USH2A: variants seen among roughly 807,000 people sequenced by gnomAD.
The protein encoded by USH2A is usherin.
In USH2A, 443 loss-of-function variants were observed where a neutral mutation model predicts 538.9. The ratio of observed to expected loss-of-function variants is 0.82; its 90% CI spans 0.76 to 0.89. The LOEUF is 0.89. Ranked by LOEUF, USH2A falls within the 40% of genes least tolerant of loss-of-function variation. The pLI is 0.00. For missense variants in USH2A, 6,633 were observed against 6,324.8 expected (o/e 1.05, Z -1.65); for synonymous variants, 2,413 against 2,273.5 (o/e 1.06, Z -1.75).
chr1:216,176,092 G>A (rs536755140), intron 20 of USH2A, among the ~76,000 whole-genome samples: 7 of 152,304 alleles, frequency 4.6e-5, no homozygotes, highest in Admixed American at 3.9e-4. Flanking sequence ...ATATTAACAC[G>A]AGTTTGCCAA....
Position 216,199,746 on chromosome 1 carries a change from C to T in USH2A, c.3692G>A (p.Ser1231Asn), listed in dbSNP as rs747578300. Reference protein sequence around the residue: ...QACTSGGCLHSLPITVTTAQA... With the variant: ...QACTSGGCLHNLPITVTTAQA... ...GGCTGTGGTCACTGTAATGGGCAAG[C>T]TGTGTAAACAGCCCCCGCTAGTACA... The change falls in exon 17 of 72, where the codon AGC (serine) becomes AAC (asparagine). Residue 1231 changes from serine (S) to asparagine (N), a missense_variant. By Grantham distance (46) the Ser-to-Asn change is conservative. Coordinates refer to ENST00000307340, the MANE Select transcript of USH2A (RefSeq NM_206933.4). 6.8e-6 allele frequency: 11 copies of T among 1,614,078 alleles called. No homozygotes were observed. The highest frequency in any genetic ancestry group is 1.7e-4 in the Middle Eastern group (1 of 6,056).
intron 40 of USH2A, among the ~76,000 whole-genome samples, chr1:215,892,514 T>C (rs1665234999): frequency 6.6e-6 from 1 of 152,194 alleles, no homozygotes; most frequent in Non-Finnish European, 1.5e-5. Flanking sequence ...TCACTACTGA[T>C]ATGTTAACAG....
At chr1:215,795,444 A>G (rs986818656) in intron 50 of USH2A, among the ~76,000 whole-genome samples, 1 of 152,174 alleles carries the variant, frequency 6.6e-6, no homozygotes, top group Non-Finnish European at 1.5e-5. Context: ...TGAGGATAAA[A>G]ACGGAATCTT....
At chr1:215,818,863 A>G (rs935077297) in intron 47 of USH2A, among the ~76,000 whole-genome samples, 1 of 151,802 alleles carries the variant, frequency 6.6e-6, no homozygotes, top group African/African-American at 2.4e-5. Flanking sequence ...CAGTAGTTAA[A>G]GTTTTTAATA....
intron 2 of USH2A, among the ~76,000 whole-genome samples, chr1:216,420,840 T>C (rs1325402549): frequency 6.6e-6 from 1 of 152,154 alleles, no homozygotes; most frequent in Non-Finnish European, 1.5e-5. Flanking sequence ...TAAAACAAAA[T>C]GAAGACATGC....
chr1:215,965,942 C>T (rs898427625), intron 36 of USH2A, among the ~76,000 whole-genome samples: 2 of 151,558 alleles, frequency 1.3e-5, no homozygotes, highest in Admixed American at 1.3e-4. Context: ...CACACACACA[C>T]ACACACACAC....
chr1:216,022,444 T>C (rs1019855626), intron 32 of USH2A, among the ~76,000 whole-genome samples: 2 of 152,116 alleles, frequency 1.3e-5, no homozygotes, highest in Non-Finnish European at 2.9e-5. Context: ...GAATTCACCA[T>C]GAGAGAAATC....
At chr1:216,295,580 A>G (rs2037088426) in intron 9 of USH2A, among the ~76,000 whole-genome samples, 1 of 151,936 alleles carries the variant, frequency 6.6e-6, no homozygotes, top group Admixed American at 6.6e-5. Flanking sequence ...TATTTCATGT[A>G]AAGTACAATA....
chr1:215,948,443 T>C (rs138813611), intron 37 of USH2A, among the ~76,000 whole-genome samples: 7,206 of 147,188 alleles, frequency 0.049, 199 homozygotes, highest in South Asian at 0.088. Context: ...TATATATATA[T>C]ACACACACAC....
At chr1:216,143,881 A>G (rs1161231908) in intron 21 of USH2A, among the ~76,000 whole-genome samples, 1 of 152,184 alleles carries the variant, frequency 6.6e-6, no homozygotes, top group Non-Finnish European at 1.5e-5. Context: ...AGTGACTACA[A>G]TGCAAGAAGC....
intron 9 of USH2A, among the ~76,000 whole-genome samples, chr1:216,315,597 T>C (rs772927505): frequency 3.9e-5 from 6 of 152,158 alleles, no homozygotes; most frequent in Non-Finnish European, 8.8e-5. Flanking sequence ...TATTTTATTG[T>C]ACACAAATCA....
intron 3 of USH2A, among the ~76,000 whole-genome samples, chr1:216,392,440 TGAGATC>T (rs2039126952): frequency 7.5e-6 from 1 of 133,586 alleles, no homozygotes; most frequent in South Asian, 2.3e-4. Flanking sequence ...TGCAGTGAGC[TGAGATC>T]GTGCCACTGC....
At chr1:216,195,485 A>T (rs896145461) in intron 19 of USH2A, among the ~76,000 whole-genome samples, 1 of 152,154 alleles carries the variant, frequency 6.6e-6, no homozygotes, top group African/African-American at 2.4e-5. Context: ...ACCCTGTGAA[A>T]CAGCAGAGCG....
rs546481031 is a variant in USH2A, at chr1:216,089,128, C to T, written c.4770G>A (p.Val1590=). 6.2e-7 allele frequency: 1 copy of T among 1,612,798 alleles called. No homozygotes were observed. Among genetic ancestry groups the T allele is most frequent in the Admixed American group, 1.7e-5 (1 of 59,982 alleles). The part of the protein sequence containing the change: ...YFLFDPQGSP[V]EVTTTNDHGK... ...CATGATCATTAGTTGTAGTTACTTC[C>T]ACTGGTGACCCCTTAAGGGAATGAA... The change falls in exon 23 of 72, where the codon GTG becomes GTA. Residue 1590 remains valine, a synonymous_variant. Coordinates refer to ENST00000307340, the MANE Select transcript of USH2A (RefSeq NM_206933.4).
chr1:215,717,246 C>T (rs3911021), intron 61 of USH2A, among the ~76,000 whole-genome samples: 184 of 152,188 alleles, frequency 1.2e-3, no homozygotes, highest in African/African-American at 3.6e-3. Flanking sequence ...TGGGAAGTGC[C>T]GCCAAAAAGA....
intron 9 of USH2A, among the ~76,000 whole-genome samples, chr1:216,301,781 C>A (rs1268135128): frequency 6.6e-6 from 1 of 152,108 alleles, no homozygotes; most frequent in African/African-American, 2.4e-5. Context: ...TAACTATTCC[C>A]AGATGGCCTG....
intron 46 of USH2A, among the ~76,000 whole-genome samples, chr1:215,838,380 C>CTA (rs781007197): frequency 5.9e-5 from 9 of 152,274 alleles, no homozygotes; most frequent in Non-Finnish European, 1.2e-4. Context: ...ATACATTAAT[C>CTA]TACTGAAGAG....
chr1:216,289,862 T>A (rs973389466), intron 10 of USH2A, among the ~76,000 whole-genome samples: 1 of 152,164 alleles, frequency 6.6e-6, no homozygotes, highest in Non-Finnish European at 1.5e-5. Context: ...GGGAGACTTC[T>A]CTTAATATAA....
intron 21 of USH2A, among the ~76,000 whole-genome samples, chr1:216,165,885 T>G (rs539087750): frequency 3.9e-5 from 6 of 151,916 alleles, no homozygotes; most frequent in Non-Finnish European, 8.8e-5. Flanking sequence ...AGTGTTGATT[T>G]CTGAGATTTT....
Sources: allele counts gnomAD v4.1 joint callset (sites outside exome capture counted in the v4.1 genomes callset), GRCh38; gene constraint gnomAD v4.1.1; transcripts MANE v1.5; gene names NCBI Gene and HGNC (gene_info 2026-07-23, HGNC 2026-07-21).